The following STARD13 variants were observed in gnomAD, a reference collection of about 807,000 sequenced individuals.
STARD13 encodes StAR related lipid transfer domain containing 13, also known as stAR-related lipid transfer protein 13.
A neutral mutation model predicts 106.4 loss-of-function variants in STARD13; 62 were observed. The observed-to-expected ratio is 0.58, with a 90% CI of 0.48 to 0.72. STARD13 has a LOEUF of 0.72. Among genes scored for constraint, STARD13 ranks in the 30% least tolerant of loss-of-function variants. STARD13 has a pLI of 0.00. For synonymous variants in STARD13, 565 were observed against 553.0 expected (o/e 1.02, Z -0.31); for missense variants, 1,387 against 1,424.0 (o/e 0.97, Z 0.42).
In STARD13 at chr13:33,109,965, C is replaced by G. The variant is rs1440274265; in HGVS notation, c.2955G>C (p.Lys985Asn). The change falls in exon 12 of 14, where the codon AAG (lysine) becomes AAC (asparagine). Residue 985 changes from lysine (K) to asparagine (N), a missense_variant. Physicochemically the swap from Lys to Asn is moderately conservative, Grantham distance 94. Transcript: ENST00000336934. ...TTTGCCTGTCTAGAGTTTCCACAAC[C>G]TTCCACTGCACAAAGTCCTCGTCCC... ...HLWDEDFVQW[K>N]VVETLDRQTE... 6.2e-7 allele frequency: 1 copy of G among 1,614,130 alleles called. No individual in the cohort carries two copies. Among genetic ancestry groups the G allele is most frequent in the African/African-American group, 1.3e-5 (1 of 74,946 alleles).
At chr13:33,530,558 G>A in the STARD13 span, among the ~76,000 whole-genome samples, 1 of 151,920 alleles carries the variant, frequency 6.6e-6, no homozygotes. Context: ...TCTGAATTTT[G>A]CAAATTGCAT....
the STARD13 span, among the ~76,000 whole-genome samples, chr13:33,539,731 A>G: frequency 2.3e-3 from 343 of 152,358 alleles, 1 homozygote; most frequent in African/African-American, 8.0e-3. Flanking sequence ...GATCGTAAAC[A>G]TAAATAAGAT....
chr13:33,418,643 G>A, the STARD13 span, among the ~76,000 whole-genome samples: 1 of 152,200 alleles, frequency 6.6e-6, no homozygotes, highest in Admixed American at 6.5e-5. Context: ...TCCTCAAGTG[G>A]GTCCCTGACC....
chr13:33,395,611 C>A, the STARD13 span, among the ~76,000 whole-genome samples: 1 of 152,006 alleles, frequency 6.6e-6, no homozygotes, highest in South Asian at 2.1e-4. Flanking sequence ...AATGACAGAC[C>A]CTTCCCTTGA....
the STARD13 span, among the ~76,000 whole-genome samples, chr13:33,670,418 A>G: frequency 1.3e-5 from 2 of 152,238 alleles, no homozygotes. Flanking sequence ...TGTCTATAAC[A>G]TATGGAATTT....
chr13:33,454,346 A>C, the STARD13 span, among the ~76,000 whole-genome samples: 4 of 152,196 alleles, frequency 2.6e-5, no homozygotes, highest in Non-Finnish European at 5.9e-5. Flanking sequence ...CATGAGTGTC[A>C]GGCATCCATT....
chr13:33,182,398 C>G (rs1290347933), intron 1 of STARD13, among the ~76,000 whole-genome samples: 1 of 152,198 alleles, frequency 6.6e-6, no homozygotes, highest in Non-Finnish European at 1.5e-5. Flanking sequence ...CATATTCTCA[C>G]TACACAACCC....
chr13:33,432,202 C>T, the STARD13 span, among the ~76,000 whole-genome samples: 1 of 151,944 alleles, frequency 6.6e-6, no homozygotes, highest in Non-Finnish European at 1.5e-5. Context: ...AAAAGAGGAC[C>T]CACAGTCACT....
At chr13:33,276,338 C>T (rs1045997243) in intron 1 of STARD13, 3 of 152,126 alleles carry the variant, frequency 2.0e-5, no homozygotes, top group Admixed American at 2.0e-4. Context: ...TTGAGAAATG[C>T]ATGTAGTGGG....
Position 33,128,549 on chromosome 13 carries a change from G to A in STARD13, c.1748+380C>T, listed in dbSNP as rs74937905. Among the ~76,000 whole-genome samples, 3 of 152,262 alleles carry A rather than the reference G, an allele frequency of 2.0e-5. No individual in the cohort carries two copies. The East Asian group carries it at 5.8e-4, about 29-fold the overall frequency. The stretch of plus-strand genomic sequence containing the variant: ...GGAGCAAAAAAAGTGTAAAATTTGG[G>A]GAAGAGACATTTTGATGAACGCATC... On this transcript the variant is annotated intron_variant, in intron 5 of 13. Coordinates refer to ENST00000336934, the MANE Select transcript of STARD13 (RefSeq NM_178006.4).
the STARD13 span, among the ~76,000 whole-genome samples, chr13:33,484,633 T>C: frequency 2.6e-5 from 4 of 152,164 alleles, no homozygotes; most frequent in African/African-American, 7.2e-5. Flanking sequence ...CTTCCAAAGT[T>C]TGGGGGAGGC....
Position 33,146,168 on chromosome 13 carries a change from T to C in STARD13, c.324-3795A>G, listed in dbSNP as rs187762077. Among the ~76,000 whole-genome samples, 12 of 152,242 alleles carry C rather than the reference T, an allele frequency of 7.9e-5. No individual in the cohort carries two copies. In the Middle Eastern group the frequency reaches 0.014, roughly 173 times the overall value. On this transcript the variant is annotated intron_variant, in intron 3 of 13. Coordinates refer to ENST00000336934, the MANE Select transcript of STARD13 (RefSeq NM_178006.4). Reference sequence around the variant, plus strand: ...GGTAAAACCCCATTTCTACTAAAAATGCAAAATTAGCCAGGCGTGGTGGCA... The same window carrying C: ...GGTAAAACCCCATTTCTACTAAAAACGCAAAATTAGCCAGGCGTGGTGGCA...
the STARD13 span, among the ~76,000 whole-genome samples, chr13:33,360,764 T>C: frequency 3.1e-3 from 252 of 81,708 alleles, 3 homozygotes; most frequent in African/African-American, 0.011. Context: ...GATTGAACTG[T>C]GTGGGTCCAC....
In STARD13 at chr13:33,142,392, G is replaced by A. The variant is rs1323555953; in HGVS notation, c.324-19C>T. The stretch of plus-strand genomic sequence containing the variant: ...TAGTCGTCTAAAAGGAAAGAAAAAT[G>A]TGATGATTACTTTCACTAATGAATT... On this transcript the variant is annotated intron_variant, in intron 3 of 13. Coordinates refer to ENST00000336934, the MANE Select transcript of STARD13 (RefSeq NM_178006.4). 6 of 1,601,016 alleles carry A rather than the reference G, an allele frequency of 3.7e-6. No individual in the cohort carries two copies. The highest frequency in any genetic ancestry group is 5.1e-6 in the Non-Finnish European group (6 of 1,168,476).
chr13:33,134,514 T>C (rs1185181422), intron 4 of STARD13, among the ~76,000 whole-genome samples: 3 of 152,188 alleles, frequency 2.0e-5, no homozygotes, highest in Non-Finnish European at 1.5e-5. Context: ...TAAGAGTAAC[T>C]TGAATGGGCC....
At chr13:33,352,293 G>A (rs1342134586), upstream of STARD13, among the ~76,000 whole-genome samples, 1 of 152,182 alleles carries the variant, frequency 6.6e-6, no homozygotes, top group Non-Finnish European at 1.5e-5. Flanking sequence ...TCTTAAAGTG[G>A]CTGCTATACA....
chr13:33,112,821 T>A lies in STARD13; in HGVS notation c.2392A>T (p.Asn798Tyr). Residue 798 changes from asparagine (N) to tyrosine (Y), a missense_variant, in exon 9 of 14, where the codon AAC (asparagine) becomes TAC (tyrosine). By Grantham distance (143) the Asn-to-Tyr change is moderately radical. Transcript: ENST00000336934. ...TLLCFLNDVV[N>Y]LVEENQMTPM... ...GTCATCTGATTCTCTTCCACCAAGTTGACGACGTCGTTCAGGAAACACAAG... is the reference window on the plus strand; with the variant it reads ...GTCATCTGATTCTCTTCCACCAAGTAGACGACGTCGTTCAGGAAACACAAG... The A allele has an allele frequency of 6.2e-7, 1 of 1,613,962 alleles. No individual in the cohort carries two copies. The highest frequency in any genetic ancestry group is 1.7e-4 in the Middle Eastern group (1 of 6,060).
downstream of STARD13, among the ~76,000 whole-genome samples, chr13:33,348,167 C>T (rs1323048628): frequency 1.3e-5 from 2 of 152,170 alleles, no homozygotes; most frequent in Non-Finnish European, 2.9e-5. Context: ...TATTAATATT[C>T]TGATTAAACA....
At chr13:33,507,468 C>G in the STARD13 span, among the ~76,000 whole-genome samples, 2 of 152,062 alleles carry the variant, frequency 1.3e-5, no homozygotes, top group Non-Finnish European at 2.9e-5. Context: ...ATTAAGGACT[C>G]ACAAAATCAG....
Sources: gnomAD v4.1 joint callset for allele counts (sites outside exome capture counted in the v4.1 genomes callset) on GRCh38, gnomAD v4.1.1 for gene constraint, MANE v1.5 for transcripts, NCBI Gene and HGNC (gene_info 2026-07-23, HGNC 2026-07-21) for gene names.